The following YIPF7 variants were observed in gnomAD, a reference collection of about 807,000 sequenced individuals.
YIPF7 encodes the protein protein YIPF7.
In YIPF7, 35 loss-of-function variants were observed where a neutral mutation model predicts 27.2. That is an observed-to-expected ratio of 1.29 (90% CI 0.98 to 1.70). The LOEUF (loss-of-function observed/expected upper bound fraction) is 1.70, where lower values mean the gene tolerates loss of function less well. Among genes scored for constraint, YIPF7 ranks in the 40% most tolerant of loss-of-function variants. The pLI, the probability that YIPF7 is intolerant of heterozygous loss-of-function variation, is 0.00. For missense variants in YIPF7, 358 were observed against 303.7 expected (o/e 1.18, Z -1.33); for synonymous variants, 137 against 110.4 (o/e 1.24, Z -1.51).
intron 2 of YIPF7, among the ~76,000 whole-genome samples, chr4:44,638,532 T>C (rs1172897273): frequency 6.6e-6 from 1 of 152,228 alleles, no homozygotes; most frequent in Admixed American, 6.5e-5. Context: ...CCTTGTCCAC[T>C]TTTTAATGGG....
chr4:44,622,487 TC>T lies in YIPF7; in HGVS notation c.697del (p.Glu233LysfsTer21). On this transcript the variant is annotated frameshift_variant, in exon 6 of 6. Transcript: ENST00000415895. LOFTEE classifies it high-confidence loss of function. ...SKIFIAALHM[E>X]GQQLLVAYPC... ...GTAGGCAACAAGAAGCTGCTGTCCT[TC>T]CATGTGCAAGGCTGCAATGAAGATC... 6.2e-7 allele frequency: 1 copy of T among 1,613,940 alleles called. No homozygotes were observed. Among genetic ancestry groups the T allele is most frequent in the Non-Finnish European group, 8.5e-7 (1 of 1,179,846 alleles).
chr4:44,645,915 T>C (rs1713510232), intron 2 of YIPF7, among the ~76,000 whole-genome samples: 1 of 152,124 alleles, frequency 6.6e-6, no homozygotes, highest in African/African-American at 2.4e-5. Flanking sequence ...GAAAATAGAA[T>C]AAAGGCAGCA....
At chr4:44,644,779 C>T (rs1396769772) in intron 2 of YIPF7, among the ~76,000 whole-genome samples, 3 of 152,048 alleles carry the variant, frequency 2.0e-5, no homozygotes, top group Non-Finnish European at 4.4e-5. Context: ...GGATCTGTGT[C>T]CCCACCCAAA....
At chr4:44,627,519 A>G (rs2109577916) in intron 4 of YIPF7, among the ~76,000 whole-genome samples, 1 of 152,312 alleles carries the variant, frequency 6.6e-6, no homozygotes, top group Non-Finnish European at 1.5e-5. Context: ...ATATCCAGGA[A>G]AGAATTAACC....
At chr4:44,652,365 T>C (rs1354883928), upstream of YIPF7, among the ~76,000 whole-genome samples, 2 of 152,164 alleles carry the variant, frequency 1.3e-5, no homozygotes, top group Non-Finnish European at 2.9e-5. Flanking sequence ...ATCCCTAATA[T>C]TAATCTCACA....
intron 2 of YIPF7, among the ~76,000 whole-genome samples, chr4:44,642,771 C>T (rs930910982): frequency 6.6e-6 from 1 of 152,138 alleles, no homozygotes; most frequent in Non-Finnish European, 1.5e-5. Flanking sequence ...CCTGCTCCTG[C>T]CCTGTGAGAT....
In YIPF7 at chr4:44,635,992, T is replaced by C; in HGVS notation, c.210A>G (p.Ala70=). Residue 70 remains alanine, a synonymous_variant, in exon 3 of 6, where the codon GCA becomes GCG. Coordinates refer to ENST00000415895, the MANE Select transcript of YIPF7 (RefSeq NM_182592.3). ...ATTGTGAATAATAATCTGAGTTGGA[T>C]GCTGGCTGAAAAAATTGTCCTGCGT... is the stretch of plus-strand genomic sequence containing the variant. ...SGYAGQFFQP[A]SNSDYYSQSP... The C allele has an allele frequency of 6.2e-7, 1 of 1,613,950 alleles. No homozygotes were observed. Among genetic ancestry groups the C allele is most frequent in the South Asian group, 1.1e-5 (1 of 91,080 alleles).
At chr4:44,644,480 A>G (rs574155428) in intron 2 of YIPF7, among the ~76,000 whole-genome samples, 1 of 152,208 alleles carries the variant, frequency 6.6e-6, no homozygotes, top group Non-Finnish European at 1.5e-5. Flanking sequence ...TAATGACTGC[A>G]CTGCTGGGTT....
At chr4:44,661,084 C>G (rs78524069) in intron 1 of YIPF7, among the ~76,000 whole-genome samples, 2,181 of 152,236 alleles carry the variant, frequency 0.014, 46 homozygotes, top group African/African-American at 0.049. Flanking sequence ...TTTAAAAAGG[C>G]CAGGACTTGC....
chr4:44,646,165 A>C (rs1713518216), intron 2 of YIPF7, among the ~76,000 whole-genome samples: 2 of 152,242 alleles, frequency 1.3e-5, no homozygotes, highest in African/African-American at 4.8e-5. Flanking sequence ...CTAGTTAAAC[A>C]TAACTGATTC....
chr4:44,653,923 C>T (rs1186223918), upstream of YIPF7, among the ~76,000 whole-genome samples: 1 of 151,982 alleles, frequency 6.6e-6, no homozygotes, highest in East Asian at 1.9e-4. Context: ...CATTTAGGTA[C>T]ATTTTAAACT....
At chr4:44,658,751 A>G (rs1451381804) in intron 2 of YIPF7, among the ~76,000 whole-genome samples, 1 of 152,208 alleles carries the variant, frequency 6.6e-6, no homozygotes, top group Admixed American at 6.5e-5. Flanking sequence ...GGCACATTTT[A>G]CATGGCAGCA....
At chr4:44,633,574 C>T (rs1341417693) in intron 3 of YIPF7, among the ~76,000 whole-genome samples, 2 of 152,166 alleles carry the variant, frequency 1.3e-5, no homozygotes, top group Admixed American at 6.5e-5. Context: ...AGAGGCAGTA[C>T]TTAGAGCTGG....
intron 2 of YIPF7, among the ~76,000 whole-genome samples, chr4:44,637,680 G>T (rs1462439823): frequency 2.0e-5 from 3 of 151,998 alleles, no homozygotes; most frequent in Non-Finnish European, 4.4e-5. Context: ...ATGAGATTTT[G>T]GTGTACCCAT....
At chr4:44,622,975 CAG>C (rs1285712551) in intron 5 of YIPF7, among the ~76,000 whole-genome samples, 4 of 152,198 alleles carry the variant, frequency 2.6e-5, no homozygotes, top group African/African-American at 9.6e-5. Flanking sequence ...GAAAGATAGA[CAG>C]AGTTACATTC....
At chr4:44,655,698 C>T (rs902762681), upstream of YIPF7, among the ~76,000 whole-genome samples, 17 of 151,968 alleles carry the variant, frequency 1.1e-4, no homozygotes, top group East Asian at 1.9e-4. Flanking sequence ...AAGAATAGAA[C>T]GCATTGTTTT....
chr4:44,632,190 TTATAAC>T (rs1712925756), intron 3 of YIPF7, among the ~76,000 whole-genome samples: 1 of 152,194 alleles, frequency 6.6e-6, no homozygotes, highest in Non-Finnish European at 1.5e-5. Flanking sequence ...ATGTGAGTGA[TTATAAC>T]TATTAATTGT....
intron 2 of YIPF7, among the ~76,000 whole-genome samples, chr4:44,656,658 T>G (rs964050317): frequency 3.3e-5 from 5 of 152,086 alleles, no homozygotes; most frequent in African/African-American, 1.2e-4. Context: ...AATTTACTCT[T>G]GTGTTCATTA....
At chr4:44,652,139 C>T (rs978233414), upstream of YIPF7, among the ~76,000 whole-genome samples, 1 of 152,118 alleles carries the variant, frequency 6.6e-6, no homozygotes, top group African/African-American at 2.4e-5. Flanking sequence ...GATGGATATG[C>T]TAATGGGATC....
Sources: gnomAD v4.1 joint callset for allele counts (sites outside exome capture counted in the v4.1 genomes callset) on GRCh38, gnomAD v4.1.1 for gene constraint, MANE v1.5 for transcripts, NCBI Gene and HGNC (gene_info 2026-07-23, HGNC 2026-07-21) for gene names.